PTPRN2: variants seen among roughly 807,000 people sequenced by gnomAD.
The protein encoded by PTPRN2 is protein tyrosine phosphatase receptor type N2.
A neutral mutation model predicts 118.8 loss-of-function variants in PTPRN2; 74 were observed. The observed-to-expected ratio is 0.62, with a 90% CI of 0.52 to 0.76. PTPRN2 has a LOEUF of 0.76. Ranked by LOEUF, PTPRN2 falls within the 30% of genes least tolerant of loss-of-function variation. The pLI is 0.00. For synonymous variants in PTPRN2, 641 were observed against 608.0 expected (o/e 1.05, Z -0.80); for missense variants, 1,481 against 1,394.4 (o/e 1.06, Z -0.99).
At chr7:158,146,514 G>C (rs1820031581) in intron 6 of PTPRN2, among the ~76,000 whole-genome samples, 1 of 152,040 alleles carries the variant, frequency 6.6e-6, no homozygotes, top group African/African-American at 2.4e-5. Context: ...GAGGTCAGGA[G>C]ATCAAGACCA....
At chr7:158,313,075 T>C (rs1365792178) in intron 3 of PTPRN2, among the ~76,000 whole-genome samples, 1 of 151,992 alleles carries the variant, frequency 6.6e-6, no homozygotes, top group Non-Finnish European at 1.5e-5. Context: ...TGCGTGTGGG[T>C]ATCTACATGT....
intron 12 of PTPRN2, among the ~76,000 whole-genome samples, chr7:157,684,756 G>T (rs1797091667): frequency 6.6e-6 from 1 of 151,650 alleles, no homozygotes. Context: ...CGAAACCTAA[G>T]GCGCCGGCCA....
At chr7:158,301,383 C>G (rs1481887542) in intron 3 of PTPRN2, among the ~76,000 whole-genome samples, 1 of 152,210 alleles carries the variant, frequency 6.6e-6, no homozygotes, top group African/African-American at 2.4e-5. Flanking sequence ...TTGTAAGAAG[C>G]TGAACAGATG....
chr7:157,709,408 A>G (rs1343381846), intron 12 of PTPRN2, among the ~76,000 whole-genome samples: 2 of 152,198 alleles, frequency 1.3e-5, no homozygotes, highest in East Asian at 3.8e-4. Flanking sequence ...TGAGAGCCTA[A>G]GTGAGGTGTG....
chr7:157,898,705 C>T lies in PTPRN2; in HGVS notation c.1756G>A (p.Gly586Arg). 6.2e-7 allele frequency: 1 copy of T among 1,608,722 alleles called. No homozygotes were observed. Among genetic ancestry groups the T allele is most frequent in the Non-Finnish European group, 8.5e-7 (1 of 1,175,024 alleles). Residue 586 changes from glycine to arginine, a missense_variant, in exon 12 of 23, where the codon GGA (glycine) becomes AGA (arginine). Around this residue, in one of 3 missense-constraint regions of PTPRN2, gnomAD observed 1,115 missense variants for 994.2 expected, o/e 1.12. Coordinates refer to ENST00000389418, the MANE Select transcript of PTPRN2 (RefSeq NM_002847.5). Reference protein sequence around the residue: ...DNKDKLEETSGLKILQTGVGS... With the variant: ...DNKDKLEETSRLKILQTGVGS... The stretch of plus-strand genomic sequence containing the variant: ...ACTCCGGTTTGAAGAATTTTCAGTC[C>T]AGAGGTTTCCTCCAGTTTGTCTTTG...
At chr7:157,806,000 T>A (rs1805608205) in intron 12 of PTPRN2, among the ~76,000 whole-genome samples, 1 of 152,096 alleles carries the variant, frequency 6.6e-6, no homozygotes, top group Non-Finnish European at 1.5e-5. Context: ...TGATGCTGAG[T>A]GCACCTGAAA....
intron 1 of PTPRN2, among the ~76,000 whole-genome samples, chr7:158,532,129 C>T (rs1825288642): frequency 6.6e-6 from 1 of 152,238 alleles, no homozygotes; most frequent in African/African-American, 2.4e-5. Context: ...CCTGCATTAA[C>T]AGAGGCTCCC....
At chr7:158,468,295 G>C (rs1378086939) in intron 2 of PTPRN2, among the ~76,000 whole-genome samples, 1 of 152,174 alleles carries the variant, frequency 6.6e-6, no homozygotes, top group Non-Finnish European at 1.5e-5. Context: ...GTAATAATGA[G>C]GAAACTGAAT....
chr7:158,282,385 A>C (rs559043023), intron 3 of PTPRN2, among the ~76,000 whole-genome samples: 1 of 152,368 alleles, frequency 6.6e-6, no homozygotes, highest in South Asian at 2.1e-4. Flanking sequence ...GGAACTTGCC[A>C]GTGAATGTAG....
chr7:157,797,036 A>G (rs942856367), intron 12 of PTPRN2, among the ~76,000 whole-genome samples: 9 of 152,226 alleles, frequency 5.9e-5, no homozygotes, highest in African/African-American at 1.9e-4. Flanking sequence ...AGCTGGGAGA[A>G]TCACACGGGA....
chr7:158,340,725 C>A (rs1321234193), intron 2 of PTPRN2, among the ~76,000 whole-genome samples: 13 of 47,574 alleles, frequency 2.7e-4, no homozygotes, highest in Non-Finnish European at 5.4e-4. Context: ...CACCCACACT[C>A]ACCATAAGAG....
At chr7:158,165,420 G>A (rs996727135) in intron 6 of PTPRN2, among the ~76,000 whole-genome samples, 17 of 152,218 alleles carry the variant, frequency 1.1e-4, no homozygotes, top group African/African-American at 3.4e-4. Flanking sequence ...GGCCTCCTCC[G>A]CCGTCCTTCT....
At chr7:158,212,871 C>G (rs1045201939) in intron 3 of PTPRN2, among the ~76,000 whole-genome samples, 1 of 151,964 alleles carries the variant, frequency 6.6e-6, no homozygotes, top group African/African-American at 2.4e-5. Context: ...TATCCGGGAG[C>G]CAATTACATT....
chr7:158,523,722 G>GTCA (rs1824483206), intron 1 of PTPRN2, among the ~76,000 whole-genome samples: 1 of 81,820 alleles, frequency 1.2e-5, no homozygotes, highest in Non-Finnish European at 2.5e-5. Context: ...CTGGAGTGGA[G>GTCA]TCTGCCCTGG....
intron 6 of PTPRN2, among the ~76,000 whole-genome samples, chr7:158,146,370 T>G (rs1001526846): frequency 5.9e-5 from 9 of 152,162 alleles, no homozygotes; most frequent in African/African-American, 2.2e-4. Flanking sequence ...TACCCATTGA[T>G]TGCACCAACC....
intron 11 of PTPRN2, among the ~76,000 whole-genome samples, chr7:158,078,756 G>A (rs143450732): frequency 4.0e-4 from 61 of 152,358 alleles, no homozygotes; most frequent in African/African-American, 1.3e-3. Context: ...TGAGGCCGAT[G>A]GGCCAGTCAC....
intron 1 of PTPRN2, among the ~76,000 whole-genome samples, chr7:158,543,819 C>T (rs1315474826): frequency 5.3e-5 from 8 of 152,214 alleles, no homozygotes; most frequent in Admixed American, 2.6e-4. Context: ...CTACTGAGAC[C>T]GGATCTTGTC....
chr7:157,692,829 CA>C (rs1248800486), intron 12 of PTPRN2, among the ~76,000 whole-genome samples: 22 of 152,062 alleles, frequency 1.4e-4, no homozygotes, highest in Admixed American at 1.4e-3. Context: ...GCAAGGCCCG[CA>C]AAAACCCCCG....
In PTPRN2 at chr7:158,517,395, G is replaced by A. The variant is rs1823651692; in HGVS notation, c.113-27610C>T. 6.6e-6 allele frequency among the ~76,000 whole-genome samples: 1 copy of A among 152,074 alleles called. No individual in the cohort carries two copies. Among genetic ancestry groups the A allele is most frequent in the Non-Finnish European group, 1.5e-5 (1 of 67,982 alleles). ...GCTGATGGGGTGGGCCACATATGGG[G>A]AATTCCAGAACGTGACCCTGTACCT... On this transcript the variant is annotated intron_variant, in intron 1 of 22. Transcript: ENST00000389418. This position sits in a 1 kb window ranked among gnomAD's most constrained non-coding sequence, Gnocchi z 5.3.
Sources: gnomAD v4.1 joint callset for allele counts (sites outside exome capture counted in the v4.1 genomes callset) on GRCh38, gnomAD v4.1.1 for gene constraint, gnomAD v4.1.1 regional missense constraint, Gnocchi (gnomAD v3.1) non-coding constraint, MANE v1.5 for transcripts, NCBI Gene and HGNC (gene_info 2026-07-23, HGNC 2026-07-21) for gene names.